Variants in PLCH1 observed in about 807,000 individuals in gnomAD.
PLCH1 encodes 1-phosphatidylinositol 4,5-bisphosphate phosphodiesterase eta-1.
PLCH1 carries 60 observed loss-of-function variants against 126.7 expected under a neutral mutation model. The observed-to-expected ratio is 0.47, with a 90% CI of 0.38 to 0.59. The LOEUF is 0.59. Among genes scored for constraint, PLCH1 ranks in the 20% least tolerant of loss-of-function variants. PLCH1 has a pLI of 0.00. For missense variants in PLCH1, 1,723 were observed against 2,040.0 expected (o/e 0.84, Z 2.99); for synonymous variants, 719 against 734.9 (o/e 0.98, Z 0.35).
At chr3:155,710,010 C>T (rs144910713) in intron 1 of PLCH1, among the ~76,000 whole-genome samples, 16 of 152,228 alleles carry the variant, frequency 1.1e-4, no homozygotes, top group South Asian at 2.1e-4. Flanking sequence ...TGTTTTGAGA[C>T]GCAGTCTCAC....
At chr3:155,581,147 A>C (rs500051) in intron 6 of PLCH1, among the ~76,000 whole-genome samples, 74,983 of 152,040 alleles carry the variant, frequency 0.49, 21,541 homozygotes, top group Non-Finnish European at 0.65. Context: ...GTGGAAATTT[A>C]TCTCTCTGAT....
intron 2 of PLCH1, among the ~76,000 whole-genome samples, chr3:155,662,066 C>T (rs1305457728): frequency 6.6e-6 from 1 of 152,174 alleles, no homozygotes; most frequent in Non-Finnish European, 1.5e-5. Context: ...GCCCATCACC[C>T]ACATAGTTCA....
chr3:155,577,718 A>G (rs567104256), intron 6 of PLCH1, among the ~76,000 whole-genome samples: 1 of 152,292 alleles, frequency 6.6e-6, no homozygotes, highest in East Asian at 1.9e-4. Context: ...TGTTTTCCCT[A>G]ACTAAAATTT....
chr3:155,503,436 T>C lies in PLCH1; in HGVS notation c.1704+1119A>G, dbSNP rs74851759. Among the ~76,000 whole-genome samples the C allele has an allele frequency of 3.0e-3, 453 of 152,324 alleles. 11 individuals are homozygous for C. In the East Asian group the frequency reaches 0.031, roughly 10 times the overall value. ...CTTAGTTGTTAACTATTCTCTTATA[T>C]GAATACACCACAATTTTTACTCATT... On this transcript the variant is annotated intron_variant, in intron 13 of 22. Transcript: ENST00000460012.
chr3:155,537,437 T>G (rs576599584), intron 10 of PLCH1, among the ~76,000 whole-genome samples: 1 of 152,104 alleles, frequency 6.6e-6, no homozygotes, highest in East Asian at 1.9e-4. Context: ...AATGCTCCAC[T>G]TAAAAGGCAC....
chr3:155,490,679 AC>A, intron 19 of PLCH1, 104 bp downstream of exon 19: 1 of 651,640 alleles, frequency 1.5e-6, no homozygotes, highest in Non-Finnish European at 2.7e-6. Flanking sequence ...GATGGGAGTT[AC>A]GGATTTTAGA....
At chr3:155,705,952 G>A (rs1336765452) in intron 1 of PLCH1, among the ~76,000 whole-genome samples, 1 of 152,058 alleles carries the variant, frequency 6.6e-6, no homozygotes, top group Non-Finnish European at 1.5e-5. Context: ...AAGGCGGATG[G>A]ATCACGAGGT....
In PLCH1 at chr3:155,634,844, G is replaced by A. The variant is rs73156526; in HGVS notation, c.80-38466C>T. 9.0e-3 allele frequency among the ~76,000 whole-genome samples: 1,373 copies of A among 152,316 alleles called. 8 individuals carry two copies. The highest frequency in any genetic ancestry group is 0.02 in the Middle Eastern group (6 of 294). On this transcript the variant is annotated intron_variant, in intron 2 of 22. Coordinates refer to ENST00000460012, the MANE Select transcript of PLCH1 (RefSeq NM_014996.4). ...TATTTCTTTAAATGACAGAGTGGAG[G>A]ACTGGATACCTGGGTGATTCCTATA... is the stretch of plus-strand genomic sequence containing the variant.
intron 2 of PLCH1, among the ~76,000 whole-genome samples, chr3:155,612,960 C>T (rs145378706): frequency 5.0e-5 from 6 of 118,934 alleles, no homozygotes; most frequent in East Asian, 2.7e-4. Flanking sequence ...AGAAACAAAA[C>T]GAGAGATATT....
At chr3:155,552,844 G>A (rs1349634367) in intron 9 of PLCH1, among the ~76,000 whole-genome samples, 1 of 152,164 alleles carries the variant, frequency 6.6e-6, no homozygotes, top group East Asian at 1.9e-4. Context: ...ATGAACAGGA[G>A]GCAATGGAGT....
intron 6 of PLCH1, among the ~76,000 whole-genome samples, chr3:155,582,670 G>T (rs1730868117): frequency 6.6e-6 from 1 of 152,056 alleles, no homozygotes; most frequent in Non-Finnish European, 1.5e-5. Context: ...TTTATATTAA[G>T]ACGATTGGTC....
rs151325994 is a variant in PLCH1, at chr3:155,490,670, A to C, written c.2392+114T>G. On this transcript the variant is annotated intron_variant, in intron 19 of 22. Transcript: ENST00000460012. ...TGAAAAGCTTTTAACATAAACTCAG[A>C]TGGGAGTTACGGATTTTAGAGATTT... 2,338 of 621,554 alleles carry C rather than the reference A, an allele frequency of 3.8e-3. 27 individuals are homozygous for C. Among genetic ancestry groups the C allele is most frequent in the Admixed American group, 0.031 (1,117 of 35,714 alleles). The allele number at this position is 621,554 out of a possible 1,614,324, so 38.5% of individuals were successfully genotyped here. A position where few individuals can be genotyped will look rare whatever the true frequency, so the allele number is the denominator to read the frequency against.
chr3:155,553,386 C>T (rs1726390093), intron 9 of PLCH1, among the ~76,000 whole-genome samples: 1 of 152,110 alleles, frequency 6.6e-6, no homozygotes, highest in South Asian at 2.1e-4. Flanking sequence ...CAAAGTGCTA[C>T]AGGAGCCACC....
chr3:155,496,654 A>G (rs557421028), intron 15 of PLCH1, among the ~76,000 whole-genome samples: 2 of 145,340 alleles, frequency 1.4e-5, no homozygotes, highest in South Asian at 4.4e-4. Flanking sequence ...AATTAGATGA[A>G]AAGCCACATG....
At chr3:155,677,647 C>A (rs1459612140) in intron 2 of PLCH1, among the ~76,000 whole-genome samples, 2 of 152,170 alleles carry the variant, frequency 1.3e-5, no homozygotes, top group Admixed American at 6.5e-5. Context: ...ATAGTTTCTA[C>A]TTCAAAATGT....
At chr3:155,627,497 G>C (rs1232637963) in intron 2 of PLCH1, among the ~76,000 whole-genome samples, 9 of 151,834 alleles carry the variant, frequency 5.9e-5, no homozygotes, top group Admixed American at 5.9e-4. Context: ...AGCCCGGCGT[G>C]GTGGCGGGTG....
intron 1 of PLCH1, among the ~76,000 whole-genome samples, chr3:155,736,348 G>A (rs1749174072): frequency 6.6e-6 from 1 of 152,180 alleles, no homozygotes; most frequent in Non-Finnish European, 1.5e-5. Flanking sequence ...GAACATTTGT[G>A]TACAAGCCTT....
chr3:155,469,517 C>T (rs1713082470), intron 21 of PLCH1, among the ~76,000 whole-genome samples: 1 of 152,166 alleles, frequency 6.6e-6, no homozygotes, highest in Non-Finnish European at 1.5e-5. Flanking sequence ...CCGCCATTGC[C>T]CAGGCTTGCT....
chr3:155,642,360 C>A (rs1739497773), intron 2 of PLCH1, among the ~76,000 whole-genome samples: 1 of 152,168 alleles, frequency 6.6e-6, no homozygotes, highest in South Asian at 2.1e-4. Context: ...CAGACTCTCC[C>A]ACACTGTCTC....
Sources: allele counts gnomAD v4.1 joint callset (sites outside exome capture counted in the v4.1 genomes callset), GRCh38; gene constraint gnomAD v4.1.1; transcripts MANE v1.5; gene names NCBI Gene and HGNC (gene_info 2026-07-23, HGNC 2026-07-21).